Variants in EDA observed in about 807,000 individuals in gnomAD.
EDA encodes ectodysplasin-A.
In EDA, 2 loss-of-function variants were observed where a neutral mutation model predicts 23.6. That is an observed-to-expected ratio of 0.08 (90% CI 0.03 to 0.27). The LOEUF (loss-of-function observed/expected upper bound fraction) is 0.27, where lower values mean the gene tolerates loss of function less well. Ranked by LOEUF, EDA falls within the 10% of genes least tolerant of loss-of-function variation. The pLI is 1.00. For synonymous variants in EDA, 131 were observed against 132.0 expected, an observed-to-expected ratio of 0.99 and a Z score of 0.05; for missense variants, 229 against 324.2, an observed-to-expected ratio of 0.71 and a Z score of 2.26.
At chrX:69,642,736 G>A (rs1932855142) in intron 1 of EDA, among the ~76,000 whole-genome samples, 1 of 111,341 alleles carries the variant, frequency 9.0e-6, no homozygotes. Context: ...TATTACTATA[G>A]CTTCAATGTA....
At chrX:69,642,001 T>C in intron 1 of EDA, among the ~76,000 whole-genome samples, 1 of 112,062 alleles carries the variant, frequency 8.9e-6, no homozygotes, top group South Asian at 3.7e-4. Flanking sequence ...TTAGAAAAGT[T>C]CCTGGCTTAC....
At chrX:69,934,245 T>G (rs2018640915) in intron 1 of EDA, among the ~76,000 whole-genome samples, 1 of 112,387 alleles carries the variant, frequency 8.9e-6, no homozygotes, top group Non-Finnish European at 1.9e-5. Flanking sequence ...CTTAGACAAT[T>G]TATTCAATCT....
At position 69,764,234 on chromosome X, in the gene EDA, C is replaced by CT. The variant is rs1189179243; in HGVS notation, c.396+147556dup. 1.9e-3 allele frequency among the ~76,000 whole-genome samples: 83 copies of CT among 44,542 alleles called. 13 individuals are homozygous for CT. The highest frequency in any genetic ancestry group is 6.1e-3 in the African/African-American group (62 of 10,143). 38.7% of individuals were successfully genotyped at this position (44,542 alleles called of 115,157 possible). ...CTACCACTCCCATTCATTTTTTATTCTTTTTTTTTTTTTTTTTTTTTTTTT... is the reference window on the plus strand; with the variant it reads ...CTACCACTCCCATTCATTTTTTATTCTTTTTTTTTTTTTTTTTTTTTTTTTT... On this transcript the variant is annotated intron_variant, in intron 1 of 7. Transcript: ENST00000374552.
At chrX:69,779,185 A>G (rs1397403847) in intron 1 of EDA, among the ~76,000 whole-genome samples, 2 of 111,707 alleles carry the variant, frequency 1.8e-5, no homozygotes, top group Admixed American at 9.6e-5. Flanking sequence ...GTATATACCC[A>G]AAAGAATTGC....
At chrX:69,940,120 C>T (rs773966946) in intron 1 of EDA, among the ~76,000 whole-genome samples, 2 of 111,155 alleles carry the variant, frequency 1.8e-5, no homozygotes, top group African/African-American at 6.5e-5. Context: ...TGTGGAAGTA[C>T]TCCCTCATTC....
At chrX:69,956,908 C>T in intron 1 of EDA, 119 bp from the exon 2 acceptor site, 1 of 593,580 alleles carries the variant, frequency 1.7e-6, no homozygotes, top group Non-Finnish European at 2.9e-6. Flanking sequence ...AAGATGGGCT[C>T]AGGCTTTAGA....
intron 1 of EDA, among the ~76,000 whole-genome samples, chrX:69,905,404 G>C (rs918291929): frequency 9.7e-6 from 1 of 103,623 alleles, no homozygotes; most frequent in African/African-American, 3.5e-5. Context: ...GCAATTACTA[G>C]TTCAGCTGTC....
intron 1 of EDA, among the ~76,000 whole-genome samples, chrX:69,851,674 G>A (rs1208021246): frequency 8.9e-6 from 1 of 112,033 alleles, no homozygotes; most frequent in African/African-American, 3.2e-5. Context: ...CACCTGTTTG[G>A]CTAGTTCCAA....
At chrX:69,734,410 A>G (rs1053127419) in intron 1 of EDA, among the ~76,000 whole-genome samples, 3 of 111,738 alleles carry the variant, frequency 2.7e-5, no homozygotes, top group Middle Eastern at 9.2e-3. Flanking sequence ...AAACAGGTAA[A>G]AAACAGAAAC....
intron 2 of EDA, among the ~76,000 whole-genome samples, chrX:70,001,504 G>A (rs964842245): frequency 2.7e-5 from 3 of 111,667 alleles, no homozygotes; most frequent in Admixed American, 1.9e-4. Context: ...AGCCATTTGG[G>A]CCCCTTCAGC....
intron 1 of EDA, among the ~76,000 whole-genome samples, chrX:69,732,138 A>T (rs931732981): frequency 8.9e-6 from 1 of 111,742 alleles, no homozygotes; most frequent in Admixed American, 9.5e-5. Flanking sequence ...TCTAGGGTAC[A>T]TGTGCACAAC....
intron 1 of EDA, among the ~76,000 whole-genome samples, chrX:69,763,794 A>G (rs903927422): frequency 8.9e-6 from 1 of 111,760 alleles, no homozygotes; most frequent in Non-Finnish European, 1.9e-5. Context: ...AGTTAGCGTT[A>G]GTGCCCTGTG....
chrX:69,654,966 A>G (rs1232175082), intron 1 of EDA, among the ~76,000 whole-genome samples: 1 of 111,130 alleles, frequency 9.0e-6, no homozygotes, highest in Non-Finnish European at 1.9e-5. Context: ...AATTAAAAAA[A>G]AAACAAAAAA....
chrX:69,929,427 G>A (rs1245439571), intron 1 of EDA, among the ~76,000 whole-genome samples: 2 of 111,317 alleles, frequency 1.8e-5, no homozygotes, highest in Non-Finnish European at 3.8e-5. Flanking sequence ...TAATCACAGA[G>A]TGAGCGAATG....
intron 4 of EDA, among the ~76,000 whole-genome samples, chrX:70,028,954 T>C (rs1454537644): frequency 1.8e-5 from 2 of 112,599 alleles, no homozygotes; most frequent in African/African-American, 6.5e-5. Flanking sequence ...GGCTCAGCAG[T>C]GTTACCATGG....
chrX:69,973,187 A>G (rs976572695), intron 2 of EDA, among the ~76,000 whole-genome samples: 67 of 111,186 alleles, frequency 6.0e-4, no homozygotes, highest in Admixed American at 3.6e-3. Context: ...TGCCTTCCCA[A>G]TACCTCCAGT....
At chrX:69,987,330 A>G (rs2019515449) in intron 2 of EDA, among the ~76,000 whole-genome samples, 1 of 108,959 alleles carries the variant, frequency 9.2e-6, no homozygotes, top group African/African-American at 3.3e-5. Context: ...ATAAATAAAA[A>G]AAAAATAAAA....
At chrX:69,944,475 C>G (rs2018806604) in intron 1 of EDA, among the ~76,000 whole-genome samples, 1 of 111,677 alleles carries the variant, frequency 9.0e-6, no homozygotes, top group South Asian at 3.8e-4. Context: ...CCTCCAGGAG[C>G]CAGGGCCTGG....
intron 2 of EDA, among the ~76,000 whole-genome samples, chrX:69,983,799 T>A (rs2019453560): frequency 2.0e-5 from 2 of 101,639 alleles, no homozygotes; most frequent in African/African-American, 7.3e-5. Flanking sequence ...ATCTGAACGT[T>A]GGCCTGCCTT....
Sources: gnomAD v4.1 joint callset for allele counts (sites outside exome capture counted in the v4.1 genomes callset) on GRCh38, gnomAD v4.1.1 for gene constraint, MANE v1.5 for transcripts, NCBI Gene and HGNC (gene_info 2026-07-23, HGNC 2026-07-21) for gene names.